The following CMYA5 variants were observed in gnomAD, a reference collection of about 807,000 sequenced individuals.
CMYA5 encodes the protein cardiomyopathy associated 5.
A neutral mutation model predicts 318.9 loss-of-function variants in CMYA5; 246 were observed. The observed-to-expected ratio is 0.77, with a 90% CI of 0.70 to 0.86. CMYA5 has a LOEUF of 0.86. Ranked by LOEUF, CMYA5 falls within the 40% of genes least tolerant of loss-of-function variation. The pLI is 0.00. For synonymous variants in CMYA5, 1,641 were observed against 1,729.5 expected (o/e 0.95, Z 1.27); for missense variants, 4,589 against 4,678.2 (o/e 0.98, Z 0.56).
chr5:79,763,739 G>A (rs1284072290), intron 9 of CMYA5, among the ~76,000 whole-genome samples: 1 of 152,200 alleles, frequency 6.6e-6, no homozygotes, highest in African/African-American at 2.4e-5. Flanking sequence ...TCACCAAGAT[G>A]CTGAAGCTGA....
intron 1 of CMYA5, among the ~76,000 whole-genome samples, chr5:79,696,651 A>G (rs527777109): frequency 1.1e-4 from 16 of 152,312 alleles, no homozygotes; most frequent in African/African-American, 3.1e-4. Flanking sequence ...CTAATGGCTG[A>G]TTTCACTAGG....
intron 2 of CMYA5, 32 bp from the exon 3 acceptor site, chr5:79,743,795 T>A: frequency 8.4e-7 from 1 of 1,184,884 alleles, no homozygotes. Flanking sequence ...CTAAATGTCA[T>A]ATACTAAGGA....
rs1209275655 is a variant in CMYA5 at position 79,732,148 on chromosome 5, C to T, written c.3383C>T (p.Pro1128Leu). The change falls in exon 2 of 13, where the codon CCT becomes CTT. Residue 1128 changes from proline to leucine, a missense_variant. By Grantham distance (98) the Pro-to-Leu change is moderately conservative (BLOSUM62 -3). This residue lies in a region of CMYA5 where 2,132 missense variants were observed against 2,131.3 expected (regional missense o/e 1.00). Transcript: ENST00000446378. Reference sequence around the variant, plus strand: ...GAGCCTGAGTCTGAAGACTTGATTCCTTCACATTTAACCAGTGAAGTGGAG... The same window carrying T: ...GAGCCTGAGTCTGAAGACTTGATTCTTTCACATTTAACCAGTGAAGTGGAG... ...YLEPESEDLI[P>L]SHLTSEVEKG... The T allele has an allele frequency of 3.1e-6, 5 of 1,613,796 alleles. No individual in the cohort carries two copies. In the African/African-American group the frequency reaches 6.7e-5, roughly 22 times the overall value.
chr5:79,752,028 A>G (rs1828440459), intron 5 of CMYA5, among the ~76,000 whole-genome samples: 1 of 152,212 alleles, frequency 6.6e-6, no homozygotes, highest in Non-Finnish European at 1.5e-5. Flanking sequence ...CTGGATACAA[A>G]TACTTAGACT....
At chr5:79,701,952 T>C (rs1318930644) in intron 1 of CMYA5, among the ~76,000 whole-genome samples, 3 of 151,006 alleles carry the variant, frequency 2.0e-5, no homozygotes, top group Non-Finnish European at 4.4e-5. Context: ...ACAGTGAAAC[T>C]CCATCTCTAC....
Position 79,737,055 on chromosome 5 carries a change from T to C in CMYA5, c.8290T>C (p.Phe2764Leu). ...MPDHSEEKEQ[F>L]KESELWKGGS... ...AGATCACAGTGAAGAAAAAGAACAG[T>C]TCAAAGAGTCAGAGCTATGGAAAGG... Residue 2764 changes from phenylalanine (F) to leucine (L), a missense_variant, in exon 2 of 13, where the codon TTC becomes CTC. Physicochemically the swap from Phe to Leu is conservative, Grantham distance 22 (BLOSUM62 0). Around this residue, in one of 3 missense-constraint regions of CMYA5, gnomAD observed 2,431 missense variants for 2,495.1 expected, o/e 0.97. Coordinates refer to ENST00000446378, the MANE Select transcript of CMYA5 (RefSeq NM_153610.5). 1 of 1,613,680 alleles carries C rather than the reference T, an allele frequency of 6.2e-7. No homozygotes were observed. The highest frequency in any genetic ancestry group is 8.5e-7 in the Non-Finnish European group (1 of 1,179,794).
intron 4 of CMYA5, among the ~76,000 whole-genome samples, chr5:79,746,211 G>A (rs998135532): frequency 6.6e-6 from 1 of 152,140 alleles, no homozygotes; most frequent in Non-Finnish European, 1.5e-5. Context: ...CTGCTCTTAG[G>A]ATGACTGGGA....
intron 5 of CMYA5, among the ~76,000 whole-genome samples, chr5:79,751,257 T>A (rs1226294764): frequency 6.6e-6 from 1 of 152,180 alleles, no homozygotes; most frequent in East Asian, 1.9e-4. Context: ...AAACGACTTT[T>A]CTATTTCATC....
intron 1 of CMYA5, among the ~76,000 whole-genome samples, chr5:79,719,800 C>A (rs1380280315): frequency 2.0e-5 from 3 of 151,970 alleles, no homozygotes; most frequent in Non-Finnish European, 4.4e-5. Context: ...AAGGGAAGGG[C>A]TTATGTAGAA....
Position 79,734,527 on chromosome 5 carries a change from G to A in CMYA5, c.5762G>A (p.Ser1921Asn). The change falls in exon 2 of 13, where the codon AGC becomes AAC. Residue 1921 changes from serine to asparagine, a missense_variant. This residue lies in a region of CMYA5 where 2,431 missense variants were observed against 2,495.1 expected (regional missense o/e 0.97). Transcript: ENST00000446378. ...AGSVQLDSSS[S>N]NELRPGQLKA... is the part of the protein sequence containing the mutation. ...TCTGTGCAGCTGGATTCCTCTAGCA[G>A]CAATGAGCTGAGGCCAGGGCAGCTC... The A allele has an allele frequency of 6.2e-7, 1 of 1,613,828 alleles. No homozygotes were observed. The highest frequency in any genetic ancestry group is 8.5e-7 in the Non-Finnish European group (1 of 1,179,794).
rs369777192 is a variant in CMYA5 at position 79,735,256 on chromosome 5, C to G, written c.6491C>G (p.Pro2164Arg). The G allele has an allele frequency of 2.5e-6, 4 of 1,613,802 alleles. No individual in the cohort carries two copies. The highest frequency in any genetic ancestry group is 2.5e-6 in the Non-Finnish European group (3 of 1,179,806). ...NPPTQPKVAK[P>R]DLPEEKGKKG... Reference sequence around the variant, plus strand: ...CCTACACAACCAAAGGTGGCTAAGCCGGACCTTCCTGAGGAAAAGGGAAAG... The same window carrying G: ...CCTACACAACCAAAGGTGGCTAAGCGGGACCTTCCTGAGGAAAAGGGAAAG... Residue 2164 changes from proline (P) to arginine (R), a missense_variant, in exon 2 of 13, where the codon CCG becomes CGG. Pro to Arg is a moderately radical substitution (Grantham distance 103). Coordinates refer to ENST00000446378, the MANE Select transcript of CMYA5 (RefSeq NM_153610.5).
chr5:79,719,857 A>G (rs1827587202), intron 1 of CMYA5, among the ~76,000 whole-genome samples: 1 of 152,222 alleles, frequency 6.6e-6, no homozygotes, highest in Non-Finnish European at 1.5e-5. Flanking sequence ...GATGGCGGAT[A>G]TGGAAATAAA....
At position 79,732,681 on chromosome 5, in the gene CMYA5, GAT is replaced by G. The variant is rs1175110281; in HGVS notation, c.3917_3918del (p.Asp1306ValfsTer22). ...AGCAGTGAAAATGGAGATGAAACAT[GAT>G]TCCAAAATAACAACTACACCTATAG... ...LSAVKMEMKH[D>X]SKITTTPIVL... is the part of the protein sequence containing the mutation. On this transcript the variant is annotated frameshift_variant, in exon 2 of 13. Transcript: ENST00000446378. LOFTEE classifies it high-confidence loss of function. 16 of 1,613,326 alleles carry G rather than the reference GAT, an allele frequency of 9.9e-6. No individual in the cohort carries two copies. The highest frequency in any genetic ancestry group is 1.2e-5 in the Non-Finnish European group (14 of 1,179,708).
intron 11 of CMYA5, among the ~76,000 whole-genome samples, chr5:79,791,594 G>A (rs551782597): frequency 4.3e-4 from 66 of 151,748 alleles, no homozygotes; most frequent in Admixed American, 3.0e-3. Flanking sequence ...GGTGGTGCAC[G>A]CCTGTAATCT....
chr5:79,741,630 A>G (rs534178299), intron 2 of CMYA5, among the ~76,000 whole-genome samples: 2 of 152,284 alleles, frequency 1.3e-5, no homozygotes, highest in African/African-American at 2.4e-5. Flanking sequence ...CGTCACATGC[A>G]TGAGCTACAG....
chr5:79,744,796 G>A (rs1342132794), intron 3 of CMYA5, among the ~76,000 whole-genome samples: 3 of 152,192 alleles, frequency 2.0e-5, no homozygotes, highest in Non-Finnish European at 4.4e-5. Context: ...TCTCACTGGA[G>A]AACATTTGGG....
chr5:79,744,962 A>G (rs573820309), intron 3 of CMYA5, among the ~76,000 whole-genome samples: 1 of 152,322 alleles, frequency 6.6e-6, no homozygotes, highest in Non-Finnish European at 1.5e-5. Context: ...AGACTTCCAT[A>G]TGAAAATATA....
intron 5 of CMYA5, 118 bp from the exon 6 acceptor site, chr5:79,752,557 AG>A: frequency 1.7e-6 from 1 of 592,562 alleles, no homozygotes; most frequent in East Asian, 2.9e-5. Flanking sequence ...ATAGAGTGAG[AG>A]GCCCTGCCTT....
chr5:79,729,410 A>T lies in CMYA5; in HGVS notation c.645A>T (p.Leu215Phe). 1 of 1,613,782 alleles carries T rather than the reference A, an allele frequency of 6.2e-7. No individual in the cohort carries two copies. The highest frequency in any genetic ancestry group is 8.5e-7 in the Non-Finnish European group (1 of 1,179,700). ...CAATATACAAAGAACACAAGCCATTAGTGTTAAGACCAGTCTACATAGGAA... is the reference window on the plus strand; with the variant it reads ...CAATATACAAAGAACACAAGCCATTTGTGTTAAGACCAGTCTACATAGGAA... ...TGAIYKEHKP[L>F]VLRPVYIGTV... Residue 215 changes from leucine (L) to phenylalanine (F), a missense_variant, in exon 2 of 13, where the codon TTA becomes TTT. Physicochemically the swap from Leu to Phe is conservative, Grantham distance 22. Around this residue, in one of 3 missense-constraint regions of CMYA5, gnomAD observed 2,132 missense variants for 2,131.3 expected, o/e 1.00. Coordinates refer to ENST00000446378, the MANE Select transcript of CMYA5 (RefSeq NM_153610.5).
Sources: gnomAD v4.1 joint callset for allele counts (sites outside exome capture counted in the v4.1 genomes callset) on GRCh38, gnomAD v4.1.1 for gene constraint, gnomAD v4.1.1 regional missense constraint, MANE v1.5 for transcripts, NCBI Gene and HGNC (gene_info 2026-07-23, HGNC 2026-07-21) for gene names.